ATP6V0E1: variants seen among roughly 807,000 people sequenced by gnomAD.
The protein encoded by ATP6V0E1 is ATPase H+ transporting V0 subunit e1.
In ATP6V0E1, 4 loss-of-function variants were observed where a neutral mutation model predicts 11.6. The ratio of observed to expected loss-of-function variants is 0.35; its 90% CI spans 0.17 to 0.79. The LOEUF (loss-of-function observed/expected upper bound fraction) is 0.79, where lower values mean the gene tolerates loss of function less well. Among genes scored for constraint, ATP6V0E1 ranks in the 30% least tolerant of loss-of-function variants. ATP6V0E1 has a pLI of 0.54. For missense variants in ATP6V0E1, 105 were observed against 100.0 expected (o/e 1.05, Z -0.21); for synonymous variants, 36 against 34.8 (o/e 1.04, Z -0.13).
In ATP6V0E1 at chr5:172,993,733, T is replaced by C. The variant is rs941875771; in HGVS notation, c.105-1042T>C. On this transcript the variant is annotated intron_variant, in intron 1 of 3. Coordinates refer to ENST00000519374, the MANE Select transcript of ATP6V0E1 (RefSeq NM_003945.4). The stretch of plus-strand genomic sequence containing the variant: ...AAAAATTAAAAATATTAGCCAGGCC[T>C]GGTTGTGTACACCAGTAGTCCTAGC... Among the ~76,000 whole-genome samples the C allele has an allele frequency of 3.3e-5, 4 of 122,266 alleles. No individual in the cohort carries two copies. In the East Asian group the frequency reaches 1.1e-3, roughly 34 times the overall value. 80.2% of individuals were successfully genotyped at this position (122,266 alleles called of 152,430 possible). A position where few individuals can be genotyped will look rare whatever the true frequency, so the allele number is the denominator to read the frequency against.
rs1158447516 is a variant in ATP6V0E1, at chr5:173,027,178, CAAAAAAAAA to C, written c.*36+6829_*36+6837del. On this transcript the variant is annotated intron_variant, in intron 3 of 3. Coordinates refer to ENST00000519374, the MANE Select transcript of ATP6V0E1 (RefSeq NM_003945.4). ...TGGGTGACACAGCGAGACTCCGTCT[CAAAAAAAAA>C]AAAAAAAAAAAAAAAAATAGCCGGG... Among the ~76,000 whole-genome samples the C allele has an allele frequency of 4.4e-3, 115 of 26,054 alleles. 1 individual carries two copies. The highest frequency in any genetic ancestry group is 0.015 in the African/African-American group (111 of 7,240). The allele number at this position is 26,054 out of a possible 152,430, so 17.1% of individuals were successfully genotyped here.
At chr5:173,015,945 C>T (rs1399205602) in intron 2 of ATP6V0E1, among the ~76,000 whole-genome samples, 3 of 152,056 alleles carry the variant, frequency 2.0e-5, no homozygotes, top group South Asian at 2.1e-4. Flanking sequence ...AGGCTGATCT[C>T]GAACTCCTGG....
chr5:173,027,039 C>T (rs943040156), intron 3 of ATP6V0E1, among the ~76,000 whole-genome samples: 10 of 149,346 alleles, frequency 6.7e-5, no homozygotes, highest in East Asian at 2.0e-4. Context: ...ATTAGCTGGG[C>T]GTGGTGGCAG....
At chr5:173,019,375 GA>G (rs1756447115) in intron 2 of ATP6V0E1, among the ~76,000 whole-genome samples, 1 of 152,074 alleles carries the variant, frequency 6.6e-6, no homozygotes, top group Non-Finnish European at 1.5e-5. Context: ...CTAACACGGT[GA>G]AAACCCATCT....
chr5:172,984,664 G>C (rs1198996336), intron 1 of ATP6V0E1, among the ~76,000 whole-genome samples: 1 of 152,122 alleles, frequency 6.6e-6, no homozygotes, highest in Non-Finnish European at 1.5e-5. Flanking sequence ...TGTCTCTTTT[G>C]GAATTAAACT....
intron 3 of ATP6V0E1, among the ~76,000 whole-genome samples, chr5:173,023,231 T>TCACC (rs1435776100): frequency 5.3e-5 from 8 of 152,190 alleles, no homozygotes; most frequent in Non-Finnish European, 5.9e-5. Context: ...TCTTGCTCTA[T>TCACC]CACCCAGTCT....
rs1330721247 is a variant in ATP6V0E1, at chr5:173,005,352, A to G, written c.152+10530A>G. Among the ~76,000 whole-genome samples, 7 of 152,050 alleles carry G rather than the reference A, an allele frequency of 4.6e-5. No homozygotes were observed. The East Asian group carries it at 1.3e-3, about 29-fold the overall frequency. On this transcript the variant is annotated intron_variant, in intron 2 of 3. Coordinates refer to ENST00000519374, the MANE Select transcript of ATP6V0E1 (RefSeq NM_003945.4). ...AAATGTTTTGTAATTTTTGGTGCAG[A>G]GATCTCACATGTCTCTTGGATTTTT...
At chr5:173,019,553 CA>C (rs370124942) in intron 2 of ATP6V0E1, among the ~76,000 whole-genome samples, 518 of 130,812 alleles carry the variant, frequency 4.0e-3, no homozygotes, top group Non-Finnish European at 6.3e-3. Flanking sequence ...GACTCCATCT[CA>C]AAAAAAAAAA....
intron 2 of ATP6V0E1, 73 bp from the exon 3 acceptor site, chr5:173,020,165 C>T: frequency 7.9e-7 from 1 of 1,260,862 alleles, no homozygotes; most frequent in Admixed American, 1.8e-5. Flanking sequence ...GTACTTTTTC[C>T]ATGCTAATTG....
chr5:172,994,994 C>G (rs958520064), intron 2 of ATP6V0E1, among the ~76,000 whole-genome samples, 172 bp downstream of exon 2: 2 of 152,190 alleles, frequency 1.3e-5, no homozygotes, highest in East Asian at 3.8e-4. Context: ...TACAGATACT[C>G]TATCCTTCTG....
intron 2 of ATP6V0E1, among the ~76,000 whole-genome samples, chr5:173,012,269 T>C (rs982963369): frequency 5.9e-5 from 9 of 151,550 alleles, no homozygotes; most frequent in Non-Finnish European, 1.2e-4. Flanking sequence ...TGACCTCAGG[T>C]GATCCGCCCG....
chr5:172,997,812 C>CAA (rs772648443), intron 2 of ATP6V0E1, among the ~76,000 whole-genome samples: 2 of 92,640 alleles, frequency 2.2e-5, no homozygotes, highest in Admixed American at 1.3e-4. Context: ...GACTCCGTCT[C>CAA]AAAAAAAAAA....
At chr5:172,992,695 G>A (rs1247476879) in intron 1 of ATP6V0E1, among the ~76,000 whole-genome samples, 1 of 152,068 alleles carries the variant, frequency 6.6e-6, no homozygotes, top group Non-Finnish European at 1.5e-5. Context: ...CTGACCATCT[G>A]GCATATATAG....
At chr5:173,023,444 C>T (rs1449102884) in intron 3 of ATP6V0E1, among the ~76,000 whole-genome samples, 1 of 152,240 alleles carries the variant, frequency 6.6e-6, no homozygotes, top group East Asian at 1.9e-4. Flanking sequence ...GATCCACCCG[C>T]CTAGGCCTCC....
chr5:173,012,038 A>ATTTT (rs34022628), intron 2 of ATP6V0E1, among the ~76,000 whole-genome samples: 2 of 138,752 alleles, frequency 1.4e-5, no homozygotes, highest in African/African-American at 5.4e-5. Context: ...TCCTAGGTAA[A>ATTTT]TTTTTTTTTT....
At chr5:172,999,423 A>G (rs1455034398) in intron 2 of ATP6V0E1, among the ~76,000 whole-genome samples, 2 of 152,038 alleles carry the variant, frequency 1.3e-5, no homozygotes, top group African/African-American at 4.8e-5. Flanking sequence ...TCCTGGGCTG[A>G]AGCAATCTTC....
At chr5:172,987,546 A>G (rs377613761) in intron 1 of ATP6V0E1, among the ~76,000 whole-genome samples, 2 of 152,032 alleles carry the variant, frequency 1.3e-5, no homozygotes, top group African/African-American at 4.8e-5. Context: ...GGCCTCCCAA[A>G]GTGCTGAGAT....
chr5:172,998,941 C>A (rs1190523255), intron 2 of ATP6V0E1, among the ~76,000 whole-genome samples: 1 of 151,950 alleles, frequency 6.6e-6, no homozygotes, highest in Non-Finnish European at 1.5e-5. Context: ...GAGTTCGAAA[C>A]TCCTGGCCAA....
intron 3 of ATP6V0E1, among the ~76,000 whole-genome samples, chr5:173,033,578 C>T (rs1046342304): frequency 2.6e-5 from 4 of 152,166 alleles, no homozygotes; most frequent in Non-Finnish European, 5.9e-5. Context: ...CATGATGGCT[C>T]ATGCCTGTAA....
Sources: gnomAD v4.1 joint callset for allele counts (sites outside exome capture counted in the v4.1 genomes callset) on GRCh38, gnomAD v4.1.1 for gene constraint, MANE v1.5 for transcripts, NCBI Gene and HGNC (gene_info 2026-07-23, HGNC 2026-07-21) for gene names.